CREB5: variants seen among roughly 807,000 people sequenced by gnomAD.
The protein encoded by CREB5 is cyclic AMP-responsive element-binding protein 5.
Under a neutral mutation model 57.1 loss-of-function variants are expected in CREB5, and 19 were observed. That is an observed-to-expected ratio of 0.33 (90% CI 0.23 to 0.49). The LOEUF (loss-of-function observed/expected upper bound fraction) is 0.49. Among genes scored for constraint, CREB5 ranks in the 20% least tolerant of loss-of-function variants. CREB5 has a pLI of 0.99. For synonymous variants in CREB5, 238 were observed against 238.3 expected (o/e 1.00, Z 0.01); for missense variants, 579 against 671.6 (o/e 0.86, Z 1.52).
chr7:28,774,138 C>T (rs933833509), intron 7 of CREB5, among the ~76,000 whole-genome samples: 2 of 152,134 alleles, frequency 1.3e-5, no homozygotes, highest in Non-Finnish European at 2.9e-5. Flanking sequence ...TTTATGTTGA[C>T]TTAGCTTCTA....
chr7:28,418,945 C>A (rs758323325), intron 1 of CREB5, among the ~76,000 whole-genome samples: 1 of 152,184 alleles, frequency 6.6e-6, no homozygotes, highest in Non-Finnish European at 1.5e-5. Context: ...CTTTCGGGTG[C>A]TTTCCCATGC....
chr7:28,618,131 A>T (rs1797661846), intron 5 of CREB5, among the ~76,000 whole-genome samples: 4 of 152,144 alleles, frequency 2.6e-5, no homozygotes, highest in Non-Finnish European at 5.9e-5. Context: ...ATTGGATAGA[A>T]CTTCAGCTAG....
chr7:28,563,437 G>A (rs1294546891), intron 4 of CREB5, among the ~76,000 whole-genome samples: 1 of 152,138 alleles, frequency 6.6e-6, no homozygotes, highest in Non-Finnish European at 1.5e-5. Context: ...TCCTAGGTCT[G>A]GCCCATCCTA....
At chr7:28,416,050 A>G (rs1583436155) in intron 1 of CREB5, among the ~76,000 whole-genome samples, 2 of 152,320 alleles carry the variant, frequency 1.3e-5, no homozygotes, top group South Asian at 2.1e-4. Context: ...AGCACCACAC[A>G]TTTGATTTAA....
intron 1 of CREB5, among the ~76,000 whole-genome samples, chr7:28,438,923 C>G (rs1318740032): frequency 6.6e-6 from 1 of 152,178 alleles, no homozygotes; most frequent in African/African-American, 2.4e-5. Flanking sequence ...AAGGAGCAAA[C>G]AGAGATACTT....
At chr7:28,691,172 C>A (rs748008257) in intron 5 of CREB5, among the ~76,000 whole-genome samples, 1 of 152,162 alleles carries the variant, frequency 6.6e-6, no homozygotes, top group African/African-American at 2.4e-5. Flanking sequence ...GTAATCCCAG[C>A]ACTTTGGGAG....
chr7:28,500,197 A>G (rs927218559), intron 3 of CREB5, among the ~76,000 whole-genome samples: 7 of 152,208 alleles, frequency 4.6e-5, no homozygotes, highest in African/African-American at 1.7e-4. Context: ...AGATAAGTAA[A>G]TAAGTATCAG....
intron 1 of CREB5, among the ~76,000 whole-genome samples, chr7:28,386,330 T>C (rs1448702178): frequency 6.6e-6 from 1 of 152,204 alleles, no homozygotes; most frequent in Non-Finnish European, 1.5e-5. Flanking sequence ...TGATCGTTCC[T>C]TTACACATTT....
chr7:28,435,271 G>A (rs139119379), intron 1 of CREB5, among the ~76,000 whole-genome samples: 1 of 151,932 alleles, frequency 6.6e-6, no homozygotes, highest in East Asian at 1.9e-4. Flanking sequence ...GGGGTGGATC[G>A]TTAAAAGCCT....
At position 28,697,514 on chromosome 7, in the gene CREB5, C is replaced by T. The variant is rs375530993; in HGVS notation, c.465-21239C>T. ...CTCCCGTAAGTCACCCCCACCCCCT[C>T]CCAGAGGTCCTTGCAACAAAATCCA... On this transcript the variant is annotated intron_variant, in intron 5 of 10. Coordinates refer to ENST00000357727, the MANE Select transcript of CREB5 (RefSeq NM_182898.4). Among the ~76,000 whole-genome samples the T allele has an allele frequency of 3.1e-4, 47 of 152,180 alleles. 1 individual carries two copies. In the East Asian group the frequency reaches 6.0e-3, roughly 19 times the overall value.
chr7:28,698,351 C>T (rs1409339777), intron 5 of CREB5, among the ~76,000 whole-genome samples: 1 of 96,888 alleles, frequency 1.0e-5, no homozygotes, highest in African/African-American at 4.3e-5. Flanking sequence ...CCCCACTCCC[C>T]ACCAAAAAAA....
At chr7:28,493,384 A>G (rs56241566) in intron 2 of CREB5, among the ~76,000 whole-genome samples, 40,795 of 152,198 alleles carry the variant, frequency 0.27, 6,807 homozygotes, top group Non-Finnish European at 0.36. Flanking sequence ...CTATAATAAC[A>G]AATTACCCCA....
intron 3 of CREB5, among the ~76,000 whole-genome samples, chr7:28,495,539 C>CAA (rs11396874): frequency 0.02 from 2,894 of 141,994 alleles, 79 homozygotes; most frequent in African/African-American, 0.062. Context: ...AACTCCGTCT[C>CAA]AAAAAAAAAA....
intron 5 of CREB5, among the ~76,000 whole-genome samples, chr7:28,700,504 G>A (rs1801796990): frequency 6.6e-6 from 1 of 152,134 alleles, no homozygotes; most frequent in African/African-American, 2.4e-5. Context: ...CTGAGTAAAA[G>A]TTTAACAACA....
At chr7:28,417,488 AG>A (rs1788075369) in intron 1 of CREB5, among the ~76,000 whole-genome samples, 1 of 152,120 alleles carries the variant, frequency 6.6e-6, no homozygotes, top group African/African-American at 2.4e-5. Flanking sequence ...CAGACAACAC[AG>A]GGTAAATCAG....
chr7:28,658,945 G>GTA (rs1799441835), intron 5 of CREB5, among the ~76,000 whole-genome samples: 1 of 39,498 alleles, frequency 2.5e-5, no homozygotes, highest in African/African-American at 1.0e-4. Context: ...TATTATATGT[G>GTA]TGTGTGTGTA....
chr7:28,626,947 T>TTCTCATCTGTTTTTGC (rs1222866189), intron 5 of CREB5, among the ~76,000 whole-genome samples: 2 of 152,320 alleles, frequency 1.3e-5, no homozygotes, highest in South Asian at 2.1e-4. Flanking sequence ...GGGGTTTTTT[T>TTCTCATCTGTTTTTGC]TCTCATCTGT....
chr7:28,430,178 TAC>T (rs1328622179), intron 1 of CREB5, among the ~76,000 whole-genome samples: 9 of 152,238 alleles, frequency 5.9e-5, no homozygotes, highest in African/African-American at 1.9e-4. Context: ...CACATGTATG[TAC>T]AGACATTATT....
intron 1 of CREB5, among the ~76,000 whole-genome samples, chr7:28,319,018 T>G (rs2127983491): frequency 6.6e-6 from 1 of 152,316 alleles, no homozygotes; most frequent in South Asian, 2.1e-4. Context: ...ATCTGTATGT[T>G]AAATGTACTA....
Sources: allele counts gnomAD v4.1 joint callset (sites outside exome capture counted in the v4.1 genomes callset), GRCh38; gene constraint gnomAD v4.1.1; transcripts MANE v1.5; gene names NCBI Gene and HGNC (gene_info 2026-07-23, HGNC 2026-07-21).